Variants in TNFRSF19 observed in about 807,000 individuals in gnomAD.
TNFRSF19 encodes the protein TNF receptor superfamily member 19.
Under a neutral mutation model 46.4 loss-of-function variants are expected in TNFRSF19, and 27 were observed. That is an observed-to-expected ratio of 0.58 (90% CI 0.43 to 0.80). The LOEUF (loss-of-function observed/expected upper bound fraction) is 0.80, where lower values mean the gene tolerates loss of function less well. Among genes scored for constraint, TNFRSF19 ranks in the 30% least tolerant of loss-of-function variants. The pLI is 0.00. For missense variants in TNFRSF19, 511 were observed against 530.8 expected (o/e 0.96, Z 0.37); for synonymous variants, 204 against 205.0 (o/e 1.00, Z 0.04).
chr13:23,611,493 G>A (rs73446494), intron 3 of TNFRSF19, among the ~76,000 whole-genome samples: 9,865 of 152,190 alleles, frequency 0.065, 1,089 homozygotes, highest in African/African-American at 0.22. Context: ...AACCTGAGAA[G>A]ATACTGAGCA....
chr13:23,622,962 A>G (rs1801796940), intron 4 of TNFRSF19, among the ~76,000 whole-genome samples: 1 of 152,178 alleles, frequency 6.6e-6, no homozygotes, highest in Admixed American at 6.5e-5. Flanking sequence ...TTATTGTGGT[A>G]AAAAACACAT....
intron 3 of TNFRSF19, among the ~76,000 whole-genome samples, chr13:23,604,415 A>G (rs1291931432): frequency 6.6e-6 from 1 of 152,136 alleles, no homozygotes; most frequent in African/African-American, 2.4e-5. Context: ...CAATATTGTC[A>G]AGATGTCAGT....
At chr13:23,622,936 T>C (rs1159008199) in intron 4 of TNFRSF19, among the ~76,000 whole-genome samples, 1 of 152,220 alleles carries the variant, frequency 6.6e-6, no homozygotes, top group Admixed American at 6.5e-5. Flanking sequence ...TTTAAAAAAA[T>C]TGTATATGCA....
intron 5 of TNFRSF19, among the ~76,000 whole-genome samples, chr13:23,629,405 C>A (rs756473037): frequency 6.6e-6 from 1 of 152,178 alleles, no homozygotes; most frequent in African/African-American, 2.4e-5. Context: ...CTGTCCTAAC[C>A]TAATGGGTCT....
chr13:23,669,132 A>G, intron 9 of TNFRSF19, 35 bp downstream of exon 9: 1 of 1,602,184 alleles, frequency 6.2e-7, no homozygotes, highest in East Asian at 2.2e-5. Flanking sequence ...TGAACACAGC[A>G]CTGACTTACA....
At chr13:23,635,830 A>G (rs1882641416) in intron 5 of TNFRSF19, among the ~76,000 whole-genome samples, 1 of 152,180 alleles carries the variant, frequency 6.6e-6, no homozygotes. Context: ...TATAATTTTA[A>G]AAGGATGTTT....
rs2138121333 is a variant in TNFRSF19 at position 23,570,644 on chromosome 13, C to G, written c.-239C>G. The G allele has an allele frequency of 6.6e-6, 1 of 152,258 alleles. No individual in the cohort carries two copies. The highest frequency in any genetic ancestry group is 2.1e-4 in the South Asian group (1 of 4,830). 9.4% of individuals were successfully genotyped at this position (152,258 alleles called of 1,614,324 possible). A position where few individuals can be genotyped will look rare whatever the true frequency, so the allele number is the denominator to read the frequency against. ...TGATATCCATGCATATATATAAACT[C>G]AGCCCTGCCTTTGATGTTCAGCAAC... On this transcript the variant is annotated 5_prime_UTR_variant, in exon 1 of 10. Transcript: ENST00000248484.
At chr13:23,645,676 G>T (rs1275312424) in intron 5 of TNFRSF19, among the ~76,000 whole-genome samples, 1 of 151,984 alleles carries the variant, frequency 6.6e-6, no homozygotes, top group East Asian at 1.9e-4. Context: ...TCTGCCCTGG[G>T]TCCTCTTCTT....
intron 5 of TNFRSF19, among the ~76,000 whole-genome samples, chr13:23,655,847 AAG>A: frequency 6.6e-6 from 1 of 152,306 alleles, no homozygotes; most frequent in South Asian, 2.1e-4. Context: ...AGAAACTAAA[AAG>A]AATTAGTTTC....
intron 3 of TNFRSF19, among the ~76,000 whole-genome samples, chr13:23,603,620 T>A (rs557503027): frequency 9.0e-4 from 137 of 152,004 alleles, no homozygotes; most frequent in African/African-American, 3.3e-3. Context: ...TCACACACTG[T>A]GACAAAATGG....
chr13:23,595,336 CA>C (rs760847869), intron 3 of TNFRSF19, among the ~76,000 whole-genome samples: 2 of 152,096 alleles, frequency 1.3e-5, no homozygotes, highest in Non-Finnish European at 2.9e-5. Flanking sequence ...TGTTCTAACC[CA>C]ATGCAAGGAA....
At chr13:23,606,692 T>C (rs1447696583) in intron 3 of TNFRSF19, among the ~76,000 whole-genome samples, 2 of 152,244 alleles carry the variant, frequency 1.3e-5, no homozygotes, top group African/African-American at 4.8e-5. Context: ...GTCTTTTTTC[T>C]TAGTTTTAGC....
chr13:23,648,005 G>A (rs1159885096), intron 5 of TNFRSF19, among the ~76,000 whole-genome samples: 1 of 152,056 alleles, frequency 6.6e-6, no homozygotes, highest in Non-Finnish European at 1.5e-5. Flanking sequence ...TTGTAGTAAG[G>A]TTTGAAACTG....
chr13:23,612,215 G>A (rs1386675796), intron 3 of TNFRSF19, among the ~76,000 whole-genome samples: 1 of 152,206 alleles, frequency 6.6e-6, no homozygotes, highest in Non-Finnish European at 1.5e-5. Context: ...ATGGGTTGGA[G>A]GCTGTCGAGC....
intron 9 of TNFRSF19, among the ~76,000 whole-genome samples, chr13:23,673,097 A>G (rs1282650357): frequency 6.6e-6 from 1 of 152,240 alleles, no homozygotes; most frequent in Non-Finnish European, 1.5e-5. Context: ...TGTTGTTAAT[A>G]CATTATGATT....
chr13:23,673,221 A>T, intron 9 of TNFRSF19, 151 bp from the exon 10 acceptor site: 2 of 725,656 alleles, frequency 2.8e-6, no homozygotes, highest in Non-Finnish European at 4.2e-6. Context: ...ATATTTGGAT[A>T]CTATTGAATG....
Position 23,673,560 on chromosome 13 carries a change from G to C in TNFRSF19, c.*180G>C. Reference sequence around the variant, plus strand: ...TGCTTCTGAGCCAGACCAGCTGTAAGCTGAAACCTCAATGAATAACAAGAA... The same window carrying C: ...TGCTTCTGAGCCAGACCAGCTGTAACCTGAAACCTCAATGAATAACAAGAA... On this transcript the variant is annotated 3_prime_UTR_variant, in exon 10 of 10. Transcript: ENST00000248484. 1 of 1,273,522 alleles carries C rather than the reference G, an allele frequency of 7.9e-7. No individual in the cohort carries two copies. Among genetic ancestry groups the C allele is most frequent in the Non-Finnish European group, 1.0e-6 (1 of 1,003,226 alleles). 78.9% of individuals were successfully genotyped at this position (1,273,522 alleles called of 1,614,324 possible). A position where few individuals can be genotyped will look rare whatever the true frequency, so the allele number is the denominator to read the frequency against.
At chr13:23,667,129 A>ATATATG (rs1367888995) in intron 7 of TNFRSF19, among the ~76,000 whole-genome samples, 1 of 86,136 alleles carries the variant, frequency 1.2e-5, no homozygotes, top group East Asian at 2.8e-4. Flanking sequence ...TGATATATAT[A>ATATATG]TATATATATA....
intron 9 of TNFRSF19, among the ~76,000 whole-genome samples, chr13:23,671,309 A>G (rs9507142): frequency 0.23 from 35,326 of 152,138 alleles, 4,920 homozygotes; most frequent in Non-Finnish European, 0.32. Flanking sequence ...TGCACAGTAT[A>G]ATAATTTATT....
Sources: allele counts gnomAD v4.1 joint callset (sites outside exome capture counted in the v4.1 genomes callset), GRCh38; gene constraint gnomAD v4.1.1; transcripts MANE v1.5; gene names NCBI Gene and HGNC (gene_info 2026-07-23, HGNC 2026-07-21).